PCDH15: variants seen among roughly 807,000 people sequenced by gnomAD.
The protein encoded by PCDH15 is protocadherin related 15.
PCDH15 carries 129 observed loss-of-function variants against 178.5 expected under a neutral mutation model. That is an observed-to-expected ratio of 0.72 (90% CI 0.63 to 0.84). PCDH15 has a LOEUF of 0.84. Among genes scored for constraint, PCDH15 ranks in the 40% least tolerant of loss-of-function variants. PCDH15 has a pLI of 0.00. For synonymous variants in PCDH15, 800 were observed against 732.0 expected, an observed-to-expected ratio of 1.09 and a Z score of -1.50; for missense variants, 2,230 against 2,099.9, an observed-to-expected ratio of 1.06 and a Z score of -1.21.
intron 2 of PCDH15, among the ~76,000 whole-genome samples, chr10:54,574,910 A>G (rs1425194728): frequency 6.8e-6 from 1 of 147,722 alleles, no homozygotes; most frequent in Non-Finnish European, 1.5e-5. Context: ...CAAATGTCCA[A>G]CAATGATAGA....
intron 1 of PCDH15, among the ~76,000 whole-genome samples, chr10:54,757,693 G>T (rs1361068617): frequency 2.0e-5 from 3 of 152,074 alleles, no homozygotes; most frequent in African/African-American, 7.2e-5. Flanking sequence ...ACCTAAATAA[G>T]ACCAATTAGA....
chr10:54,078,137 T>C (rs2094374386), intron 17 of PCDH15, among the ~76,000 whole-genome samples: 1 of 152,162 alleles, frequency 6.6e-6, no homozygotes, highest in African/African-American at 2.4e-5. Flanking sequence ...TTTTCTATCA[T>C]CTAAGTACCT....
Position 55,190,249 on chromosome 10 carries a change from T to C in PCDH15, c.-155-23598A>G, listed in dbSNP as rs368455796. ...AGTGTTACATATTGGAGTGTCATAT[T>C]GGCTCTGAAGTTATTAAAAAAAAAA... On this transcript the variant is annotated intron_variant, in intron 1 of 5. Coordinates refer to the PCDH15 transcript ENST00000458638. Among the ~76,000 whole-genome samples the C allele has an allele frequency of 3.9e-5, 5 of 128,294 alleles. No homozygotes were observed. The East Asian group carries it at 1.2e-3, about 31-fold the overall frequency. 84.2% of individuals were successfully genotyped at this position (128,294 alleles called of 152,430 possible).
At chr10:54,839,829 C>A (rs1171884456) in intron 3 of PCDH15, among the ~76,000 whole-genome samples, 1 of 151,862 alleles carries the variant, frequency 6.6e-6, no homozygotes, top group Non-Finnish European at 1.5e-5. Flanking sequence ...TCAGCAGAAG[C>A]CTTGCAGGTC....
chr10:54,495,631 G>T (rs1282571888), intron 3 of PCDH15, among the ~76,000 whole-genome samples: 2 of 152,224 alleles, frequency 1.3e-5, no homozygotes, highest in Non-Finnish European at 2.9e-5. Context: ...GACAAATGGG[G>T]AGCTTTTCTT....
chr10:54,311,018 C>A (rs139510999), intron 8 of PCDH15, among the ~76,000 whole-genome samples: 1 of 152,106 alleles, frequency 6.6e-6, no homozygotes, highest in African/African-American at 2.4e-5. Context: ...TTTCTGATAA[C>A]TGAGAAAGCT....
intron 2 of PCDH15, among the ~76,000 whole-genome samples, chr10:55,110,011 G>GTA (rs1327969283): frequency 1.9e-4 from 28 of 150,972 alleles, no homozygotes; most frequent in Admixed American, 7.3e-4. Flanking sequence ...ATGCATAAAG[G>GTA]TATATATATA....
intron 2 of PCDH15, among the ~76,000 whole-genome samples, chr10:55,413,329 A>G (rs1838391135): frequency 6.6e-6 from 1 of 151,626 alleles, no homozygotes; most frequent in African/African-American, 2.4e-5. Flanking sequence ...CATGGACTTT[A>G]TGCTGTAGAA....
intron 2 of PCDH15, among the ~76,000 whole-genome samples, chr10:55,418,539 G>A (rs1332602156): frequency 6.6e-6 from 1 of 151,870 alleles, no homozygotes; most frequent in Admixed American, 6.6e-5. Context: ...GAAAATGTAT[G>A]CTGGACTGGT....
intron 3 of PCDH15, among the ~76,000 whole-genome samples, chr10:54,854,544 G>T (rs538721798): frequency 2.0e-5 from 3 of 152,204 alleles, no homozygotes; most frequent in East Asian, 3.9e-4. Context: ...TGCAGCCAGA[G>T]TGTCCCAATG....
At chr10:54,640,551 C>A (rs1049804144) in intron 2 of PCDH15, among the ~76,000 whole-genome samples, 1 of 151,812 alleles carries the variant, frequency 6.6e-6, no homozygotes, top group African/African-American at 2.4e-5. Flanking sequence ...TGTCACCCTG[C>A]GTAGCTTGAA....
chr10:55,306,352 A>C (rs1400305679), intron 1 of PCDH15, among the ~76,000 whole-genome samples: 1 of 152,190 alleles, frequency 6.6e-6, no homozygotes, highest in East Asian at 1.9e-4. Flanking sequence ...TTTGCGATGA[A>C]ATGTTTTTCC....
chr10:55,021,956 T>A (rs967464558), intron 2 of PCDH15, among the ~76,000 whole-genome samples: 4 of 152,030 alleles, frequency 2.6e-5, no homozygotes, highest in African/African-American at 9.7e-5. Context: ...CCTCATAATC[T>A]CAGTCGCATG....
At chr10:53,925,830 T>G (rs1355001676) in intron 25 of PCDH15, among the ~76,000 whole-genome samples, 1 of 152,250 alleles carries the variant, frequency 6.6e-6, no homozygotes, top group Non-Finnish European at 1.5e-5. Flanking sequence ...TTTCCTTTGA[T>G]GCTTTCTTTG....
chr10:53,941,507 A>G (rs1250055971), intron 23 of PCDH15, among the ~76,000 whole-genome samples: 1 of 152,102 alleles, frequency 6.6e-6, no homozygotes, highest in Non-Finnish European at 1.5e-5. Flanking sequence ...TGCTTATTTC[A>G]TTTTTAGCAC....
At chr10:54,181,200 A>C (rs1236359080) in intron 13 of PCDH15, among the ~76,000 whole-genome samples, 3 of 152,128 alleles carry the variant, frequency 2.0e-5, no homozygotes, top group Non-Finnish European at 4.4e-5. Flanking sequence ...TACCTGTGAA[A>C]AGGTGATTTA....
chr10:54,293,099 G>A (rs920728550), intron 8 of PCDH15, among the ~76,000 whole-genome samples: 2 of 152,164 alleles, frequency 1.3e-5, no homozygotes, highest in Admixed American at 1.3e-4. Context: ...AAACTGCATG[G>A]TACTGGTACA....
chr10:54,867,984 A>C (rs1257365013), intron 3 of PCDH15, among the ~76,000 whole-genome samples: 25 of 152,194 alleles, frequency 1.6e-4, no homozygotes, highest in Admixed American at 1.6e-3. Context: ...ACACATACAA[A>C]AATATGTATA....
At chr10:55,273,499 T>C (rs995096300) in intron 1 of PCDH15, among the ~76,000 whole-genome samples, 7 of 152,136 alleles carry the variant, frequency 4.6e-5, no homozygotes, top group Non-Finnish European at 1.0e-4. Context: ...TGATGACGAA[T>C]TCCACAAACT....
Sources: allele counts gnomAD v4.1 joint callset (sites outside exome capture counted in the v4.1 genomes callset), GRCh38; gene constraint gnomAD v4.1.1; transcripts MANE v1.5; gene names NCBI Gene and HGNC (gene_info 2026-07-23, HGNC 2026-07-21).